Variants in KCNIP4 observed in about 807,000 individuals in gnomAD.
KCNIP4 encodes Kv channel-interacting protein 4.
Under a neutral mutation model 34.0 loss-of-function variants are expected in KCNIP4, and 12 were observed. The ratio of observed to expected loss-of-function variants is 0.35; its 90% CI spans 0.23 to 0.57. The LOEUF is 0.57. Ranked by LOEUF, KCNIP4 falls within the 20% of genes least tolerant of loss-of-function variation. KCNIP4 has a pLI of 0.83. For missense variants in KCNIP4, 238 were observed against 311.7 expected (o/e 0.76, Z 1.78); for synonymous variants, 124 against 102.2 (o/e 1.21, Z -1.29).
At chr4:20,756,054 T>A (rs1426490990) in intron 4 of KCNIP4, among the ~76,000 whole-genome samples, 1 of 152,112 alleles carries the variant, frequency 6.6e-6, no homozygotes, top group Non-Finnish European at 1.5e-5. Context: ...TCACTCTGAC[T>A]CATTTTAAGA....
At chr4:20,963,245 T>C (rs1024680331) in intron 1 of KCNIP4, among the ~76,000 whole-genome samples, 2 of 151,876 alleles carry the variant, frequency 1.3e-5, no homozygotes, top group African/African-American at 2.4e-5. Context: ...GAGAATTCCT[T>C]GAACCCGGGA....
intron 1 of KCNIP4, among the ~76,000 whole-genome samples, chr4:20,914,169 AAAAAG>A (rs1287960016): frequency 6.6e-6 from 1 of 152,084 alleles, no homozygotes; most frequent in Non-Finnish European, 1.5e-5. Context: ...AAAAGAAAAA[AAAAAG>A]AAAAGAAACA....
rs577196899 is a variant in KCNIP4 at position 20,946,437 on chromosome 4, G to A, written c.62-63728C>T. Reference sequence around the variant, plus strand: ...ATGGTGGTGAGCAAATGCAGAAGACGAGTTAGCAAGGTTGAGCTAGGTTGG... The same window carrying A: ...ATGGTGGTGAGCAAATGCAGAAGACAAGTTAGCAAGGTTGAGCTAGGTTGG... On this transcript the variant is annotated intron_variant, in intron 1 of 8. Transcript: ENST00000382152. Among the ~76,000 whole-genome samples the A allele has an allele frequency of 1.2e-4, 19 of 152,248 alleles. No individual in the cohort carries two copies. In the South Asian group the frequency reaches 3.7e-3, roughly 30 times the overall value.
At chr4:21,678,820 T>C (rs1750119544) in intron 1 of KCNIP4, among the ~76,000 whole-genome samples, 1 of 152,142 alleles carries the variant, frequency 6.6e-6, no homozygotes, top group African/African-American at 2.4e-5. Context: ...TGCCTCCCCA[T>C]CCCAAACTTG....
At chr4:21,547,887 TA>T (rs1738268610) in intron 1 of KCNIP4, among the ~76,000 whole-genome samples, 2 of 151,874 alleles carry the variant, frequency 1.3e-5, no homozygotes, top group East Asian at 3.9e-4. Context: ...TAAAATATTT[TA>T]ATAATTTTGC....
At chr4:21,031,379 T>C (rs1046781406) in intron 1 of KCNIP4, among the ~76,000 whole-genome samples, 1 of 152,228 alleles carries the variant, frequency 6.6e-6, no homozygotes, top group Non-Finnish European at 1.5e-5. Flanking sequence ...TTTAGAGAGA[T>C]GTTAAATAAT....
intron 1 of KCNIP4, among the ~76,000 whole-genome samples, chr4:21,454,928 G>C (rs1005935908): frequency 2.6e-5 from 4 of 152,012 alleles, no homozygotes; most frequent in African/African-American, 9.7e-5. Flanking sequence ...CAGTGACCAG[G>C]TTAGCTCATA....
chr4:21,800,298 A>G (rs998541786), intron 1 of KCNIP4, among the ~76,000 whole-genome samples: 29 of 152,154 alleles, frequency 1.9e-4, no homozygotes, highest in African/African-American at 6.8e-4. Context: ...TATGGTTTTC[A>G]ACTAAAATAA....
chr4:21,025,536 T>C (rs962614297), intron 1 of KCNIP4, among the ~76,000 whole-genome samples: 2 of 125,510 alleles, frequency 1.6e-5, no homozygotes, highest in African/African-American at 3.1e-5. Flanking sequence ...GGTCACTCAT[T>C]GATACTGTTT....
chr4:21,661,286 G>A (rs1425409801), intron 1 of KCNIP4, among the ~76,000 whole-genome samples: 2 of 152,092 alleles, frequency 1.3e-5, no homozygotes, highest in Non-Finnish European at 2.9e-5. Context: ...ATTCTTCCTG[G>A]ACACTGGACA....
At chr4:21,602,118 C>T (rs1743223587) in intron 1 of KCNIP4, among the ~76,000 whole-genome samples, 2 of 152,004 alleles carry the variant, frequency 1.3e-5, no homozygotes, top group South Asian at 2.1e-4. Context: ...TAGGCTTCTT[C>T]AACCTTGGGC....
At chr4:21,505,088 T>C (rs540805558) in intron 1 of KCNIP4, among the ~76,000 whole-genome samples, 1 of 152,330 alleles carries the variant, frequency 6.6e-6, no homozygotes, top group East Asian at 1.9e-4. Context: ...ATAGCCTCCA[T>C]CTAATGAGCA....
At chr4:21,253,508 T>C (rs1760861935) in intron 1 of KCNIP4, among the ~76,000 whole-genome samples, 1 of 152,234 alleles carries the variant, frequency 6.6e-6, no homozygotes, top group African/African-American at 2.4e-5. Flanking sequence ...TGCTATCTAG[T>C]CTACATTATT....
intron 1 of KCNIP4, among the ~76,000 whole-genome samples, chr4:21,460,550 TAC>T (rs1321292195): frequency 6.6e-6 from 1 of 152,092 alleles, no homozygotes; most frequent in African/African-American, 2.4e-5. Flanking sequence ...ATTCCTGACT[TAC>T]AGTCAGCCTT....
At chr4:21,175,081 A>T (rs1577832644) in intron 1 of KCNIP4, among the ~76,000 whole-genome samples, 2 of 151,878 alleles carry the variant, frequency 1.3e-5, no homozygotes, top group Admixed American at 6.6e-5. Context: ...ACTAAGGTTT[A>T]CATAGGTTTC....
At chr4:21,226,150 G>A (rs936797641) in intron 1 of KCNIP4, among the ~76,000 whole-genome samples, 37 of 149,898 alleles carry the variant, frequency 2.5e-4, no homozygotes, top group Non-Finnish European at 4.4e-4. Flanking sequence ...CATGTAGTTA[G>A]AATTCAGTAT....
intron 1 of KCNIP4, among the ~76,000 whole-genome samples, chr4:21,783,990 G>GCTAT (rs1475225414): frequency 6.6e-6 from 1 of 152,112 alleles, no homozygotes; most frequent in East Asian, 1.9e-4. Flanking sequence ...TTTTCACACT[G>GCTAT]CTATAAAGAT....
At chr4:21,583,368 G>A (rs1238065407) in intron 1 of KCNIP4, among the ~76,000 whole-genome samples, 1 of 151,798 alleles carries the variant, frequency 6.6e-6, no homozygotes, top group Middle Eastern at 3.2e-3. Flanking sequence ...GCAAAATTAA[G>A]ATTAAAATAT....
intron 1 of KCNIP4, among the ~76,000 whole-genome samples, chr4:21,727,552 G>C (rs1560669298): frequency 1.3e-5 from 2 of 152,132 alleles, no homozygotes; most frequent in African/African-American, 4.8e-5. Flanking sequence ...TTTGTGGCCG[G>C]GTGTGGTGGC....
Sources: allele counts gnomAD v4.1 joint callset (sites outside exome capture counted in the v4.1 genomes callset), GRCh38; gene constraint gnomAD v4.1.1; transcripts MANE v1.5; gene names NCBI Gene and HGNC (gene_info 2026-07-23, HGNC 2026-07-21).